CLCN4: variants seen among roughly 807,000 people sequenced by gnomAD.
CLCN4 encodes the protein Cl-/H+ antiporter 4.
A neutral mutation model predicts 41.7 loss-of-function variants in CLCN4; 1 was observed. That is an observed-to-expected ratio of 0.02 (90% CI 0.01 to 0.11). CLCN4 has a LOEUF of 0.11. Ranked by LOEUF, CLCN4 falls within the 10% of genes least tolerant of loss-of-function variation. The pLI is 1.00. For synonymous variants in CLCN4, 277 were observed against 285.8 expected, an observed-to-expected ratio of 0.97 and a Z score of 0.31; for missense variants, 287 against 661.0, an observed-to-expected ratio of 0.43 and a Z score of 6.20.
At chrX:10,187,727 C>A in intron 4 of CLCN4, 113 bp downstream of exon 4, 1 of 565,351 alleles carries the variant, frequency 1.8e-6, no homozygotes, top group East Asian at 3.4e-5. Context: ...CGCTTTTACC[C>A]CTGTGGGAGG....
In CLCN4 at chrX:10,220,833, C is replaced by A. The variant is rs1218648098; in HGVS notation, c.2148C>A (p.Ile716=). 2 of 1,210,281 alleles carry A rather than the reference C, an allele frequency of 1.7e-6. No homozygotes were observed. Among genetic ancestry groups the A allele is most frequent in the East Asian group, 5.9e-5 (2 of 33,777 alleles). ...DHTPMETVVD[I]FRKLGLRQCL... is the part of the protein sequence containing the mutation. ...CTCCGATGGAAACGGTGGTGGATATCTTCCGGAAACTGGGGCTTCGGCAGT... is the reference window on the plus strand; with the variant it reads ...CTCCGATGGAAACGGTGGTGGATATATTCCGGAAACTGGGGCTTCGGCAGT... Residue 716 remains isoleucine, a synonymous_variant, in exon 12 of 13, where the codon ATC becomes ATA. Coordinates refer to ENST00000380833, the MANE Select transcript of CLCN4 (RefSeq NM_001830.4).
intron 11 of CLCN4, among the ~76,000 whole-genome samples, chrX:10,216,897 G>GTGTATATATATATA (rs1411470927): frequency 4.8e-5 from 1 of 20,826 alleles, no homozygotes; most frequent in Non-Finnish European, 9.2e-5. Flanking sequence ...GTGTGTGTGT[G>GTGTATATATATATA]TATATATATA....
In CLCN4 at chrX:10,212,557, C is replaced by A. The variant is rs754361706; in HGVS notation, c.1480C>A (p.His494Asn). 1.6e-5 allele frequency: 19 copies of A among 1,209,901 alleles called. No homozygotes were observed. Among genetic ancestry groups the A allele is most frequent in the Non-Finnish European group, 2.1e-5 (19 of 894,984 alleles). Residue 494 changes from histidine (H) to asparagine (N), a missense_variant, in exon 10 of 13, where the codon CAC becomes AAC. By Grantham distance (68) the His-to-Asn change is moderately conservative. Transcript: ENST00000380833. ...TGGCGTGGAGCAGCTGGCCTACCAT[C>A]ACCATGACTGGATCATCTTCAGGAA... ...GIGVEQLAYH[H>N]HDWIIFRNWC...
intron 11 of CLCN4, among the ~76,000 whole-genome samples, chrX:10,219,833 C>T (rs1451948417): frequency 1.8e-5 from 2 of 112,103 alleles, no homozygotes; most frequent in Non-Finnish European, 3.8e-5. Context: ...GGAAAATCGC[C>T]TTGGAGAAAT....
At chrX:10,211,244 C>T (rs1385496410) in intron 9 of CLCN4, among the ~76,000 whole-genome samples, 5 of 77,204 alleles carry the variant, frequency 6.5e-5, no homozygotes, top group South Asian at 8.6e-4. Flanking sequence ...CGGGCCTGGG[C>T]GACAGAGCGA....
intron 2 of CLCN4, among the ~76,000 whole-genome samples, chrX:10,181,444 T>A (rs1923683006): frequency 1.8e-5 from 2 of 111,852 alleles, no homozygotes; most frequent in Non-Finnish European, 3.8e-5. Context: ...CAACTGTGTC[T>A]GGGGAAATTA....
chrX:10,194,977 T>G lies in CLCN4; in HGVS notation c.311T>G (p.Leu104Arg). The G allele has an allele frequency of 8.3e-7, 1 of 1,209,668 alleles. No homozygotes were observed. Among genetic ancestry groups the G allele is most frequent in the Non-Finnish European group, 1.1e-6 (1 of 894,991 alleles). ...ACGGACCTGAAGGAGGGGGTCTGCC[T>G]GTCTGCCTTCTGGTATAGCCATGAG... The part of the protein sequence containing the change: ...WMTDLKEGVC[L>R]SAFWYSHEQC... The change falls in exon 5 of 13, where the codon CTG (leucine) becomes CGG (arginine). Residue 104 changes from leucine to arginine, a missense_variant. Around this residue, in one of 6 missense-constraint regions of CLCN4, gnomAD observed 90 missense variants for 209.8 expected, o/e 0.43. Transcript: ENST00000380833.
chrX:10,195,238 G>T, intron 5 of CLCN4, 140 bp downstream of exon 5: 1 of 559,464 alleles, frequency 1.8e-6, no homozygotes, highest in Non-Finnish European at 2.8e-6. Flanking sequence ...ACTAGATGAC[G>T]GGCTTTTTCC....
At chrX:10,216,862 A>G (rs1266466820) in intron 11 of CLCN4, among the ~76,000 whole-genome samples, 1 of 65,985 alleles carries the variant, frequency 1.5e-5, no homozygotes, top group Non-Finnish European at 3.0e-5. Context: ...GGTGTCATCT[A>G]CACCTTTCTG....
intron 6 of CLCN4, among the ~76,000 whole-genome samples, chrX:10,201,319 A>C (rs527283948): frequency 1.8e-5 from 2 of 111,592 alleles, no homozygotes; most frequent in African/African-American, 6.5e-5. Context: ...TGATGGATTC[A>C]TTTCTCTATT....
At chrX:10,221,397 C>G (rs779482964) in intron 12 of CLCN4, among the ~76,000 whole-genome samples, 5 of 111,724 alleles carry the variant, frequency 4.5e-5, no homozygotes, top group Non-Finnish European at 5.6e-5. Flanking sequence ...GTGAGTGGCT[C>G]GTGCCTGTAA....
chrX:10,167,192 C>T (rs1036197866), intron 2 of CLCN4, among the ~76,000 whole-genome samples: 2 of 112,208 alleles, frequency 1.8e-5, no homozygotes, highest in Non-Finnish European at 3.8e-5. Context: ...TCGTGTGGCC[C>T]TCCACCCCTC....
At chrX:10,178,148 G>A (rs970447513) in intron 2 of CLCN4, among the ~76,000 whole-genome samples, 3 of 106,364 alleles carry the variant, frequency 2.8e-5, no homozygotes, top group African/African-American at 1.0e-4. Flanking sequence ...GGAGAAGGAA[G>A]TGATTGCTAA....
chrX:10,212,481 C>T lies in CLCN4; in HGVS notation c.1404C>T (p.Leu468=). ...GTCTCCTCAAGATCCCGTCGGGCCT[C>T]TTCATCCCCAGCATGGCTGTGGGCG... ...FTFGMKIPSG[L]FIPSMAVGAI... Residue 468 remains leucine, a synonymous_variant, in exon 10 of 13, where the codon CTC becomes CTT. Coordinates refer to ENST00000380833, the MANE Select transcript of CLCN4 (RefSeq NM_001830.4). 4 of 1,209,989 alleles carry T rather than the reference C, an allele frequency of 3.3e-6. No individual in the cohort carries two copies. Among genetic ancestry groups the T allele is most frequent in the South Asian group, 1.8e-5 (1 of 56,775 alleles).
Position 10,195,116 on chromosome X carries a change from G to T in CLCN4, c.432+18G>T. 1 of 1,202,901 alleles carries T rather than the reference G, an allele frequency of 8.3e-7. No individual in the cohort carries two copies. Among genetic ancestry groups the T allele is most frequent in the Non-Finnish European group, 1.1e-6 (1 of 888,328 alleles). On this transcript the variant is annotated intron_variant, in intron 5 of 12. Transcript: ENST00000380833. ...AGTCAGAGGTGGGTATTTGGGCAGG[G>T]TCCTGGCTGGGGACCCCTGCCGTTC...
intron 2 of CLCN4, among the ~76,000 whole-genome samples, chrX:10,180,571 C>T (rs1007482293): frequency 1.8e-5 from 2 of 109,677 alleles, no homozygotes; most frequent in Non-Finnish European, 3.8e-5. Flanking sequence ...AGTTTGAAAC[C>T]AGCCTGACCA....
intron 8 of CLCN4, 117 bp downstream of exon 8, chrX:10,206,893 C>A: frequency 2.3e-6 from 1 of 435,191 alleles, no homozygotes; most frequent in Non-Finnish European, 3.5e-6. Flanking sequence ...ACAATTTCCA[C>A]TGTTTTTTTT....
At chrX:10,225,719 C>T (rs1042069403) in intron 12 of CLCN4, among the ~76,000 whole-genome samples, 1 of 111,453 alleles carries the variant, frequency 9.0e-6, no homozygotes, top group South Asian at 3.7e-4. Flanking sequence ...GGCTTTTTAT[C>T]GTTTTGGGTT....
chrX:10,230,052 CTTCTT>C (rs1569235228), intron 12 of CLCN4, among the ~76,000 whole-genome samples: 2 of 112,382 alleles, frequency 1.8e-5, no homozygotes, highest in Non-Finnish European at 3.8e-5. Context: ...ATTTGTATGT[CTTCTT>C]TTGAGAAATG....
Sources: gnomAD v4.1 joint callset for allele counts (sites outside exome capture counted in the v4.1 genomes callset) on GRCh38, gnomAD v4.1.1 for gene constraint, gnomAD v4.1.1 regional missense constraint, MANE v1.5 for transcripts, NCBI Gene and HGNC (gene_info 2026-07-23, HGNC 2026-07-21) for gene names.